CHPF2: variants seen among roughly 807,000 people sequenced by gnomAD.
CHPF2 encodes chondroitin polymerizing factor 2, also known as chondroitin polymerizing factor 2, non-catalytic subunit.
A neutral mutation model predicts 63.0 loss-of-function variants in CHPF2; 58 were observed. That is an observed-to-expected ratio of 0.92 (90% confidence interval 0.75 to 1.15). The LOEUF (loss-of-function observed/expected upper bound fraction) is 1.15, where lower values mean the gene tolerates loss of function less well. Ranked by LOEUF, CHPF2 falls within the 50% of genes most tolerant of loss-of-function variation. The pLI, the probability that CHPF2 is intolerant of heterozygous loss-of-function variation, is 0.00. For synonymous variants in CHPF2, 442 were observed against 438.0 expected (o/e 1.01, Z -0.11); for missense variants, 1,045 against 1,035.4 (o/e 1.01, Z -0.13).
At position 151,237,629 on chromosome 7, in the gene CHPF2, C is replaced by T. The variant is rs776052782; in HGVS notation, c.1267C>T (p.Arg423Cys). The T allele has an allele frequency of 2.5e-5, 41 of 1,613,124 alleles. No homozygotes were observed. Among genetic ancestry groups the T allele is most frequent in the Admixed American group, 8.3e-5 (5 of 60,016 alleles). ...CAATCGGCGCTATCAGCCCCGCCTG[C>T]GCTTCCAGAAGCAGCGACTGCTCAA... ...QLNRRYQPRL[R>C]FQKQRLLNGY... is the part of the protein sequence containing the mutation. The change falls in exon 4 of 4, where the codon CGC becomes TGC. Residue 423 changes from arginine (R) to cysteine (C), a missense_variant. Coordinates refer to ENST00000035307, the MANE Select transcript of CHPF2 (RefSeq NM_019015.3).
chr7:151,234,754 G>C (rs1461776583), intron 1 of CHPF2, among the ~76,000 whole-genome samples: 1 of 152,148 alleles, frequency 6.6e-6, no homozygotes, highest in Non-Finnish European at 1.5e-5. Flanking sequence ...GCCTCCCAAA[G>C]TGCTGGGATT....
rs1292133651 is a variant in CHPF2, at chr7:151,238,597, C to T, written c.2235C>T (p.Cys745=). ...PRLSEELYHR[C]RLSNLEGLGG... is the part of the protein sequence containing the mutation. ...TCAGTGAAGAACTCTACCACCGCTG[C>T]CGCCTCAGCAACCTGGAGGGGCTAG... Residue 745 remains cysteine, a synonymous_variant, in exon 4 of 4, where the codon TGC becomes TGT. Coordinates refer to ENST00000035307, the MANE Select transcript of CHPF2 (RefSeq NM_019015.3). 13 of 1,612,870 alleles carry T rather than the reference C, an allele frequency of 8.1e-6. No individual in the cohort carries two copies. The highest frequency in any genetic ancestry group is 1.1e-5 in the Non-Finnish European group (13 of 1,179,366).
chr7:151,235,277 C>G lies in CHPF2; in HGVS notation c.493C>G (p.Arg165Gly). ...RPAWLMSETLRHLHTHFGADY... is the reference protein window; with the variant it reads ...RPAWLMSETLGHLHTHFGADY... ...CGCCTGGCTCATGTCAGAGACCCTG[C>G]GCCACCTTCACACACACTTTGGGGC... The change falls in exon 2 of 4, where the codon CGC (arginine) becomes GGC (glycine). Residue 165 changes from arginine (R) to glycine (G), a missense_variant. By Grantham distance (125) the Arg-to-Gly change is moderately radical. Transcript: ENST00000035307. The G allele has an allele frequency of 6.2e-7, 1 of 1,613,734 alleles. No individual in the cohort carries two copies. The highest frequency in any genetic ancestry group is 8.5e-7 in the Non-Finnish European group (1 of 1,179,900).
Position 151,237,969 on chromosome 7 carries a change from G to T in CHPF2, c.1607G>T (p.Arg536Leu), listed in dbSNP as rs751982524. 8 of 1,613,086 alleles carry T rather than the reference G, an allele frequency of 5.0e-6. No homozygotes were observed. The South Asian group carries it at 7.7e-5, about 15-fold the overall frequency. Residue 536 changes from arginine to leucine, a missense_variant, in exon 4 of 4, where the codon CGT (arginine) becomes CTT (leucine). Transcript: ENST00000035307. ...LLVYGPREGG[R>L]GAPDPFLGVK... ...GTCTACGGGCCACGAGAAGGTGGCCGTGGAGCTCCAGACCCATTTCTTGGG... is the reference window on the plus strand; with the variant it reads ...GTCTACGGGCCACGAGAAGGTGGCCTTGGAGCTCCAGACCCATTTCTTGGG...
At chr7:151,234,476 T>C (rs958784226) in intron 1 of CHPF2, among the ~76,000 whole-genome samples, 5 of 152,114 alleles carry the variant, frequency 3.3e-5, no homozygotes, top group Non-Finnish European at 7.4e-5. Flanking sequence ...TAAATTAGGG[T>C]TCGATGTTTT....
Position 151,235,410 on chromosome 7 carries a change from G to C in CHPF2, c.626G>C (p.Arg209Pro). 1 of 1,613,108 alleles carries C rather than the reference G, an allele frequency of 6.2e-7. No homozygotes were observed. Among genetic ancestry groups the C allele is most frequent in the Non-Finnish European group, 8.5e-7 (1 of 1,180,028 alleles). ...LSINQDLYLG[R>P]AEEFIGAGEQ... is the part of the protein sequence containing the mutation. ...ATCAACCAAGACCTGTACTTAGGCC[G>C]GGCAGAGGAGTTCATTGGCGCAGGC... The change falls in exon 2 of 4, where the codon CGG (arginine) becomes CCG (proline). Residue 209 changes from arginine to proline, a missense_variant. By Grantham distance (103) the Arg-to-Pro change is moderately radical. Transcript: ENST00000035307.
chr7:151,234,116 G>C lies in CHPF2; in HGVS notation c.105G>C (p.Gln35His), dbSNP rs777181436. 2 of 1,611,098 alleles carry C rather than the reference G, an allele frequency of 1.2e-6. No homozygotes were observed. The highest frequency in any genetic ancestry group is 2.2e-5 in the South Asian group (2 of 90,812). ...SLSLLRVSWI[Q>H]GEGEDPCVEA... is the part of the protein sequence containing the mutation. ...GCCTCCTGCGGGTTTCCTGGATCCA[G>C]GGGGAGGGAGAAGATCCCTGTGTCG... is the stretch of plus-strand genomic sequence containing the variant. The change falls in exon 1 of 4, where the codon CAG (glutamine) becomes CAC (histidine). Residue 35 changes from glutamine (Q) to histidine (H), a missense_variant. Gln to His is a conservative substitution (Grantham distance 24). Transcript: ENST00000035307.
In CHPF2 at chr7:151,233,906, A is replaced by G. The variant is rs1802548166; in HGVS notation, c.-106A>G. The G allele has an allele frequency of 1.5e-6, 2 of 1,375,840 alleles. No homozygotes were observed. Among genetic ancestry groups the G allele is most frequent in the South Asian group, 2.0e-5 (1 of 50,560 alleles). 85.2% of individuals were successfully genotyped at this position (1,375,840 alleles called of 1,614,324 possible). On this transcript the variant is annotated 5_prime_UTR_variant, in exon 1 of 4. Coordinates refer to ENST00000035307, the MANE Select transcript of CHPF2 (RefSeq NM_019015.3). Reference sequence around the variant, plus strand: ...CTCTGTCTTTGGCCTCATTGACCCCAGGTTCTCTGGTTAAAACTGAAAGCC... The same window carrying G: ...CTCTGTCTTTGGCCTCATTGACCCCGGGTTCTCTGGTTAAAACTGAAAGCC...
intron 3 of CHPF2, 94 bp from the exon 4 acceptor site, chr7:151,237,278 CAG>C: frequency 1.1e-6 from 1 of 896,044 alleles, no homozygotes; most frequent in Non-Finnish European, 1.7e-6. Flanking sequence ...GGAGTTAGGA[CAG>C]AGCTCAGCTG....
Position 151,233,585 on chromosome 7 carries a change from G to T in CHPF2, c.-427G>T. The T allele has an allele frequency of 1.0e-6, 1 of 988,430 alleles. No individual in the cohort carries two copies. The highest frequency in any genetic ancestry group is 1.2e-6 in the Non-Finnish European group (1 of 832,070). The allele number at this position is 988,430 out of a possible 1,614,324, so 61.2% of individuals were successfully genotyped here. On this transcript the variant is annotated 5_prime_UTR_variant, in exon 1 of 4. Transcript: ENST00000035307. ...GTTGGGGCTGTTGTTTTGATGGATC[G>T]TGTGCTTTTCCCTTACCTCTTATCA...
chr7:151,238,342 A>AG lies in CHPF2; in HGVS notation c.1986dup (p.Arg663GlufsTer3), dbSNP rs746345053. Reference sequence around the variant, plus strand: ...CTGACCCCTCCCGGGGGGCTCCTATAGGGGGGAGATTTGACCGGCAGGCTT... The same window carrying AG: ...CTGACCCCTCCCGGGGGGCTCCTATAGGGGGGGAGATTTGACCGGCAGGCTT... On this transcript the variant is annotated frameshift_variant, in exon 4 of 4. Transcript: ENST00000035307. LOFTEE classifies it high-confidence loss of function. 3.1e-6 allele frequency: 5 copies of AG among 1,609,004 alleles called. No homozygotes were observed. Among genetic ancestry groups the AG allele is most frequent in the African/African-American group, 1.3e-5 (1 of 74,626 alleles).
chr7:151,233,736 T>C lies in CHPF2; in HGVS notation c.-276T>C. On this transcript the variant is annotated 5_prime_UTR_variant, in exon 1 of 4. Coordinates refer to ENST00000035307, the MANE Select transcript of CHPF2 (RefSeq NM_019015.3). ...AGTGGAAGACAGACCATAATCCCAG[T>C]GTGAGTGAAATTGATTGTTTCATTT... 1 of 1,175,640 alleles carries C rather than the reference T, an allele frequency of 8.5e-7. No homozygotes were observed. Among genetic ancestry groups the C allele is most frequent in the Non-Finnish European group, 1.0e-6 (1 of 952,578 alleles). 72.8% of individuals were successfully genotyped at this position (1,175,640 alleles called of 1,614,324 possible).
Position 151,234,360 on chromosome 7 carries a change from A to G in CHPF2, c.263+86A>G, listed in dbSNP as rs140995880. The G allele has an allele frequency of 4.1e-3, 4,400 of 1,081,302 alleles. 105 individuals carry two copies. The African/African-American group carries it at 0.057, about 14-fold the overall frequency. The allele number at this position is 1,081,302 out of a possible 1,614,324, so 67.0% of individuals were successfully genotyped here. A position where few individuals can be genotyped will look rare whatever the true frequency, so the allele number is the denominator to read the frequency against. ...CCTTGCCTCTGCCTTTCCATTGGCA[A>G]TCGGCGTCGGGCGACTTGGAGCAAT... On this transcript the variant is annotated intron_variant, in intron 1 of 3. Transcript: ENST00000035307.
At position 151,232,619 on chromosome 7, in the gene CHPF2, C is replaced by T; in HGVS notation, c.-1393C>T. 1.3e-6 allele frequency: 1 copy of T among 760,918 alleles called. No homozygotes were observed. Among genetic ancestry groups the T allele is most frequent in the Non-Finnish European group, 2.0e-6 (1 of 504,260 alleles). 47.1% of individuals were successfully genotyped at this position (760,918 alleles called of 1,614,324 possible). On this transcript the variant is annotated 5_prime_UTR_variant, in exon 1 of 4. Transcript: ENST00000035307. ...GCGCGTGCGGGACGCCGCTCTTGGT[C>T]CCCACGCCTCCGCCCCGCCCCCTCC...
intron 2 of CHPF2, 79 bp downstream of exon 2, chr7:151,235,691 CT>C: frequency 7.5e-7 from 1 of 1,333,812 alleles, no homozygotes; most frequent in Non-Finnish European, 1.0e-6. Context: ...CCAGCAGCAC[CT>C]TAGAGGCCAT....
Position 151,233,145 on chromosome 7 carries a change from G to A in CHPF2, c.-867G>A. On this transcript the variant is annotated 5_prime_UTR_variant, in exon 1 of 4. Coordinates refer to ENST00000035307, the MANE Select transcript of CHPF2 (RefSeq NM_019015.3). ...TGGTTTGCTTCATTTGGCCCCTGGG[G>A]CCCTGGTAAAACCAGGCACCGAATC... is the stretch of plus-strand genomic sequence containing the variant. The A allele has an allele frequency of 9.1e-7, 1 of 1,094,526 alleles. No homozygotes were observed. Among genetic ancestry groups the A allele is most frequent in the African/African-American group, 1.6e-5 (1 of 61,034 alleles). The allele number at this position is 1,094,526 out of a possible 1,614,324, so 67.8% of individuals were successfully genotyped here.
chr7:151,234,363 G>A (rs1409986051), intron 1 of CHPF2, 89 bp downstream of exon 1: 11 of 1,012,684 alleles, frequency 1.1e-5, no homozygotes, highest in South Asian at 5.4e-5. Flanking sequence ...ATTGGCAATC[G>A]GCGTCGGGCG....
Position 151,238,216 on chromosome 7 carries a change from C to T in CHPF2, c.1854C>T (p.Phe618=). 3.7e-6 allele frequency: 6 copies of T among 1,613,050 alleles called. No homozygotes were observed. Among genetic ancestry groups the T allele is most frequent in the Non-Finnish European group, 5.1e-6 (6 of 1,180,002 alleles). Residue 618 remains phenylalanine (F), a synonymous_variant, in exon 4 of 4, where the codon TTC becomes TTT. Coordinates refer to ENST00000035307, the MANE Select transcript of CHPF2 (RefSeq NM_019015.3). ...RMNAISGWQA[F]FPVHFQEFNP... ...ATGCCATCTCTGGCTGGCAGGCCTTCTTTCCAGTCCATTTCCAGGAGTTCA... is the reference window on the plus strand; with the variant it reads ...ATGCCATCTCTGGCTGGCAGGCCTTTTTTCCAGTCCATTTCCAGGAGTTCA...
In CHPF2 at chr7:151,234,151, G is replaced by C. The variant is rs146807410; in HGVS notation, c.140G>C (p.Gly47Ala). ...GAAGATCCCTGTGTCGAGGCTGTAG[G>C]GGAGCGAGGAGGGCCACAGAATCCA... Reference protein sequence around the residue: ...EGEDPCVEAVGERGGPQNPDS... With the variant: ...EGEDPCVEAVAERGGPQNPDS... Residue 47 changes from glycine (G) to alanine (A), a missense_variant, in exon 1 of 4, where the codon GGG becomes GCG. Coordinates refer to ENST00000035307, the MANE Select transcript of CHPF2 (RefSeq NM_019015.3). 345 of 1,613,574 alleles carry C rather than the reference G, an allele frequency of 2.1e-4. No homozygotes were observed. The highest frequency in any genetic ancestry group is 2.7e-4 in the Non-Finnish European group (318 of 1,179,834).
Sources: gnomAD v4.1 joint callset for allele counts (sites outside exome capture counted in the v4.1 genomes callset) on GRCh38, gnomAD v4.1.1 for gene constraint, MANE v1.5 for transcripts, NCBI Gene and HGNC (gene_info 2026-07-23, HGNC 2026-07-21) for gene names.